The following LRRC4C variants were observed in gnomAD, a reference collection of about 807,000 sequenced individuals.
LRRC4C encodes leucine-rich repeat-containing protein 4C.
In LRRC4C, 5 loss-of-function variants were observed where a neutral mutation model predicts 33.6. The ratio of observed to expected loss-of-function variants is 0.15; its 90% CI spans 0.08 to 0.31. LRRC4C has a LOEUF of 0.31. Among genes scored for constraint, LRRC4C ranks in the 10% least tolerant of loss-of-function variants. The pLI, the probability that LRRC4C is intolerant of heterozygous loss-of-function variation, is 1.00. For synonymous variants in LRRC4C, 329 were observed against 302.0 expected (o/e 1.09, Z -0.93); for missense variants, 560 against 796.7 (o/e 0.70, Z 3.58).
chr11:41,299,590 G>A (rs1394950480), intron 1 of LRRC4C, among the ~76,000 whole-genome samples: 1 of 152,088 alleles, frequency 6.6e-6, no homozygotes, highest in Non-Finnish European at 1.5e-5. Flanking sequence ...ACTAAGTTTA[G>A]GAGAGAGGGT....
chr11:40,390,485 C>T lies in LRRC4C; in HGVS notation c.-269-70764G>A, dbSNP rs533768208. Among the ~76,000 whole-genome samples the T allele has an allele frequency of 4.6e-5, 7 of 152,308 alleles. No homozygotes were observed. The South Asian group carries it at 1.4e-3, about 32-fold the overall frequency. On this transcript the variant is annotated intron_variant, in intron 3 of 6. Transcript: ENST00000528697. ...TCTCACAACCTAAAATCTATCTAAG[C>T]TACCTGATGAAAATTCATGGATTAG...
At chr11:41,056,419 C>A (rs1858625253) in intron 1 of LRRC4C, among the ~76,000 whole-genome samples, 4 of 152,084 alleles carry the variant, frequency 2.6e-5, no homozygotes, top group Admixed American at 2.6e-4. Flanking sequence ...CAAGTGAGAC[C>A]TAATTAAACT....
Position 40,368,011 on chromosome 11 carries a change from G to A in LRRC4C, c.-269-48290C>T, listed in dbSNP as rs138164842. 2.4e-3 allele frequency among the ~76,000 whole-genome samples: 358 copies of A among 152,176 alleles called. 5 individuals carry two copies. The East Asian group carries it at 0.031, about 13-fold the overall frequency. On this transcript the variant is annotated intron_variant, in intron 3 of 6. Transcript: ENST00000528697. ...CCCCTGTCACTGCATGTCACTGACC[G>A]TCTTGGCAGCTATATTTTTATTCAT...
At chr11:40,581,075 T>C (rs1372722682) in intron 3 of LRRC4C, among the ~76,000 whole-genome samples, 2 of 152,260 alleles carry the variant, frequency 1.3e-5, no homozygotes, top group East Asian at 1.9e-4. Context: ...TTCTTGTTTT[T>C]ATTCCTTTGA....
chr11:40,659,641 G>A (rs1943320306), intron 2 of LRRC4C, among the ~76,000 whole-genome samples: 1 of 152,150 alleles, frequency 6.6e-6, no homozygotes, highest in Non-Finnish European at 1.5e-5. Flanking sequence ...TTGACTTGTT[G>A]GGAGGACTTG....
intron 3 of LRRC4C, among the ~76,000 whole-genome samples, chr11:40,543,230 G>A (rs1167847435): frequency 1.3e-5 from 2 of 151,778 alleles, no homozygotes; most frequent in African/African-American, 2.4e-5. Flanking sequence ...ACATTTTGAG[G>A]TAAAATCTAA....
chr11:40,917,053 T>C (rs1956992419), intron 2 of LRRC4C, among the ~76,000 whole-genome samples: 1 of 152,144 alleles, frequency 6.6e-6, no homozygotes, highest in African/African-American at 2.4e-5. Flanking sequence ...AATCACAAAC[T>C]TAGTGACTCA....
intron 3 of LRRC4C, among the ~76,000 whole-genome samples, chr11:40,481,243 C>A (rs922496475): frequency 6.6e-6 from 1 of 151,918 alleles, no homozygotes; most frequent in African/African-American, 2.4e-5. Context: ...CTCTTCTGTA[C>A]ACTATCATTT....
chr11:40,633,325 T>TTCTCTTTCTTTC lies in LRRC4C; in HGVS notation c.-270+14816_-270+14817insGAAAGAAAGAGA, dbSNP rs772299978. On this transcript the variant is annotated intron_variant, in intron 3 of 6. Coordinates refer to ENST00000528697, the MANE Select transcript of LRRC4C (RefSeq NM_001258419.2). ...AAATCTTAGCTCAGCCAAGTTTTCT[T>TTCTCTTTCTTTC]TTTCTTTCTTTCTTTCTTTCTTTCT... Among the ~76,000 whole-genome samples, 407 of 112,278 alleles carry TTCTCTTTCTTTC rather than the reference T, an allele frequency of 3.6e-3. 21 individuals carry two copies. The highest frequency in any genetic ancestry group is 8.1e-3 in the East Asian group (27 of 3,330). 73.7% of individuals were successfully genotyped at this position (112,278 alleles called of 152,430 possible). A position where few individuals can be genotyped will look rare whatever the true frequency, so the allele number is the denominator to read the frequency against.
At chr11:40,426,784 A>G (rs1950732675) in intron 3 of LRRC4C, among the ~76,000 whole-genome samples, 2 of 152,226 alleles carry the variant, frequency 1.3e-5, no homozygotes, top group Admixed American at 1.3e-4. Flanking sequence ...TGAATGAATA[A>G]GTGAACAAGA....
chr11:40,790,504 C>T (rs116345766), intron 2 of LRRC4C, among the ~76,000 whole-genome samples: 2,644 of 152,262 alleles, frequency 0.017, 41 homozygotes, highest in Middle Eastern at 0.037. Flanking sequence ...GTCCGCACCA[C>T]GGTGGCATAA....
chr11:41,207,735 C>T (rs1200812571), intron 1 of LRRC4C, among the ~76,000 whole-genome samples: 5 of 152,164 alleles, frequency 3.3e-5, no homozygotes, highest in Non-Finnish European at 4.4e-5. Context: ...CTGCTCCTAC[C>T]GTGATCTTGG....
At chr11:40,741,053 T>C (rs1378897356) in intron 2 of LRRC4C, among the ~76,000 whole-genome samples, 1 of 152,070 alleles carries the variant, frequency 6.6e-6, no homozygotes, top group African/African-American at 2.4e-5. Flanking sequence ...TCAAGTATGA[T>C]CTTTTGACTA....
chr11:40,677,321 G>A (rs1243728985), intron 2 of LRRC4C, among the ~76,000 whole-genome samples: 1 of 152,118 alleles, frequency 6.6e-6, no homozygotes, highest in African/African-American at 2.4e-5. Context: ...GGGAGGCGGA[G>A]GTTGCAGTGA....
At chr11:40,836,222 C>T (rs376337918) in intron 2 of LRRC4C, among the ~76,000 whole-genome samples, 8 of 152,124 alleles carry the variant, frequency 5.3e-5, no homozygotes, top group African/African-American at 1.9e-4. Context: ...CCTCCTGTTA[C>T]AGGAAGGTGT....
chr11:41,411,966 G>C (rs1954505506), intron 1 of LRRC4C, among the ~76,000 whole-genome samples: 1 of 152,152 alleles, frequency 6.6e-6, no homozygotes, highest in Non-Finnish European at 1.5e-5. Flanking sequence ...GAATTAACAA[G>C]TTGGAAAATA....
intron 1 of LRRC4C, among the ~76,000 whole-genome samples, chr11:41,211,838 A>G (rs1946836318): frequency 1.3e-5 from 2 of 152,154 alleles, no homozygotes; most frequent in African/African-American, 4.8e-5. Flanking sequence ...TCCTTTGGGT[A>G]TATACCCAGT....
chr11:41,424,849 T>A (rs1590240540), intron 1 of LRRC4C, among the ~76,000 whole-genome samples: 1 of 152,218 alleles, frequency 6.6e-6, no homozygotes, highest in Non-Finnish European at 1.5e-5. Flanking sequence ...CTGAAGTATT[T>A]TTTTTTGAAA....
Position 41,179,636 on chromosome 11 carries a change from A to G in LRRC4C, c.-495-245913T>C, listed in dbSNP as rs529483057. Reference sequence around the variant, plus strand: ...GGTTCACTTAACATTGTTTTCGGCAACAATTACAAACCATTTATGAGTTCT... The same window carrying G: ...GGTTCACTTAACATTGTTTTCGGCAGCAATTACAAACCATTTATGAGTTCT... On this transcript the variant is annotated intron_variant, in intron 1 of 6. Transcript: ENST00000528697. Among the ~76,000 whole-genome samples the G allele has an allele frequency of 3.9e-5, 6 of 152,336 alleles. No individual in the cohort carries two copies. The South Asian group carries it at 1.2e-3, about 32-fold the overall frequency.
Sources: gnomAD v4.1 joint callset for allele counts (sites outside exome capture counted in the v4.1 genomes callset) on GRCh38, gnomAD v4.1.1 for gene constraint, MANE v1.5 for transcripts, NCBI Gene and HGNC (gene_info 2026-07-23, HGNC 2026-07-21) for gene names.